FAM53A: variants seen among roughly 807,000 people sequenced by gnomAD.
The protein encoded by FAM53A is family with sequence similarity 53 member A.
A neutral mutation model predicts 26.6 loss-of-function variants in FAM53A; 28 were observed. The observed-to-expected ratio is 1.05, with a 90% CI of 0.78 to 1.45. FAM53A has a LOEUF of 1.45. FAM53A is among the 40% of genes most tolerant of loss of function. The pLI is 0.00. For missense variants in FAM53A, 650 were observed against 575.8 expected, an observed-to-expected ratio of 1.13 and a Z score of -1.32; for synonymous variants, 290 against 253.1, an observed-to-expected ratio of 1.15 and a Z score of -1.38.
chr4:1,655,261 C>T lies in FAM53A; in HGVS notation c.599G>A (p.Gly200Asp), dbSNP rs1289380358. Reference protein sequence around the residue: ...ASGGFVDSSEGSAGSGPLWCS... With the variant: ...ASGGFVDSSEDSAGSGPLWCS... ...CCAGAGCGGGCCTGAGCCCGCACTG[C>T]CCTCGCTGCTGTCCACGAAGCCGCC... Residue 200 changes from glycine to aspartate, a missense_variant, in exon 4 of 5, where the codon GGC becomes GAC. Gly to Asp is a moderately conservative substitution (Grantham distance 94). Coordinates refer to ENST00000308132, the MANE Select transcript of FAM53A (RefSeq NM_001174070.3). The T allele has an allele frequency of 4.1e-6, 6 of 1,446,992 alleles. No individual in the cohort carries two copies. The highest frequency in any genetic ancestry group is 5.4e-6 in the Non-Finnish European group (6 of 1,108,314). 89.6% of individuals were successfully genotyped at this position (1,446,992 alleles called of 1,614,324 possible).
At chr4:1,652,996 T>C (rs1713007823) in intron 4 of FAM53A, among the ~76,000 whole-genome samples, 11 of 117,490 alleles carry the variant, frequency 9.4e-5, no homozygotes, top group African/African-American at 1.3e-4. Context: ...ACAACACACA[T>C]CCCACACACA....
downstream of FAM53A, among the ~76,000 whole-genome samples, chr4:1,635,925 G>C (rs1185439694): frequency 7.1e-6 from 1 of 140,526 alleles, no homozygotes; most frequent in Non-Finnish European, 1.5e-5. Flanking sequence ...CTCACTGCAA[G>C]CTCTGCCTTC....
chr4:1,629,697 A>G (rs1715524565), intron 1 of FAM53A, among the ~76,000 whole-genome samples: 1 of 152,232 alleles, frequency 6.6e-6, no homozygotes, highest in African/African-American at 2.4e-5. Context: ...TCTCAGGCCC[A>G]GACTCAGCCC....
intron 1 of FAM53A, among the ~76,000 whole-genome samples, chr4:1,619,931 C>T (rs1714955115): frequency 1.3e-5 from 2 of 152,308 alleles, no homozygotes; most frequent in South Asian, 2.1e-4. Context: ...ACAAGTCAGC[C>T]GGGCGTGGTG....
At chr4:1,635,896 T>G (rs573281644), downstream of FAM53A, among the ~76,000 whole-genome samples, 3 of 137,726 alleles carry the variant, frequency 2.2e-5, no homozygotes, top group Non-Finnish European at 4.5e-5. Context: ...CAGGCTGGAG[T>G]GCAGTGGCGC....
At chr4:1,603,756 AG>A in the FAM53A span, among the ~76,000 whole-genome samples, 2 of 152,232 alleles carry the variant, frequency 1.3e-5, no homozygotes. Flanking sequence ...CCCCAAAGAA[AG>A]GGTTAAGCAG....
intron 1 of FAM53A, among the ~76,000 whole-genome samples, chr4:1,631,809 G>A (rs1052193512): frequency 6.6e-5 from 10 of 152,134 alleles, no homozygotes; most frequent in Non-Finnish European, 1.3e-4. Context: ...TCCTGAGGAC[G>A]GGGGACACAT....
intron 1 of FAM53A, among the ~76,000 whole-genome samples, chr4:1,671,809 C>T (rs1714681406): frequency 6.6e-6 from 1 of 152,276 alleles, no homozygotes; most frequent in African/African-American, 2.4e-5. Context: ...AGCACACACA[C>T]AACCCTAGAA....
At chr4:1,645,977 C>T (rs1033449345) in intron 4 of FAM53A, among the ~76,000 whole-genome samples, 16 of 152,260 alleles carry the variant, frequency 1.1e-4, no homozygotes, top group Admixed American at 9.8e-4. Flanking sequence ...CTCAGTCCTC[C>T]GCGTCCTCTA....
the FAM53A span, among the ~76,000 whole-genome samples, chr4:1,599,817 G>A: frequency 5.3e-5 from 8 of 152,332 alleles, no homozygotes; most frequent in East Asian, 1.4e-3. This position sits in a 1 kb window ranked among gnomAD's most constrained non-coding sequence, Gnocchi z 6.1. Context: ...CCGAGTCCCA[G>A]TGGGGCCAGT....
At chr4:1,680,319 CA>C (rs143458191) in intron 1 of FAM53A, among the ~76,000 whole-genome samples, 36,652 of 82,630 alleles carry the variant, frequency 0.44, 6,414 homozygotes, top group Middle Eastern at 0.66. Context: ...AACTCCGTCT[CA>C]AAAAAAAAAA....
intron 1 of FAM53A, among the ~76,000 whole-genome samples, chr4:1,674,006 G>A (rs945330746): frequency 7.2e-5 from 11 of 152,258 alleles, no homozygotes; most frequent in Non-Finnish European, 1.3e-4. Context: ...TCACCGACAC[G>A]TGTGTTGGCT....
In FAM53A at chr4:1,668,887, G is replaced by T. The variant is rs1714435925; in HGVS notation, c.-146C>A. ...TACAGATGAGCAGTCCACGCCCACGGGCTCTTCAGGATTTGTGCCTGTTTC... is the reference window on the plus strand; with the variant it reads ...TACAGATGAGCAGTCCACGCCCACGTGCTCTTCAGGATTTGTGCCTGTTTC... On this transcript the variant is annotated 5_prime_UTR_variant, in exon 2 of 5. Coordinates refer to ENST00000308132, the MANE Select transcript of FAM53A (RefSeq NM_001174070.3). 4.7e-6 allele frequency: 3 copies of T among 632,844 alleles called. No homozygotes were observed. The highest frequency in any genetic ancestry group is 8.3e-6 in the Non-Finnish European group (3 of 363,556). The allele number at this position is 632,844 out of a possible 1,614,324, so 39.2% of individuals were successfully genotyped here. A position where few individuals can be genotyped will look rare whatever the true frequency, so the allele number is the denominator to read the frequency against.
At chr4:1,615,306 C>T (rs1033862495), downstream of FAM53A, among the ~76,000 whole-genome samples, 4 of 133,014 alleles carry the variant, frequency 3.0e-5, no homozygotes, top group Admixed American at 8.0e-5. Flanking sequence ...CAGGATGCGG[C>T]CACACCCACC....
chr4:1,630,076 C>T lies in FAM53A; in HGVS notation c.432-11965G>A, dbSNP rs1207724866. 6.6e-6 allele frequency among the ~76,000 whole-genome samples: 1 copy of T among 152,214 alleles called. No individual in the cohort carries two copies. Among genetic ancestry groups the T allele is most frequent in the Admixed American group, 6.5e-5 (1 of 15,290 alleles). On this transcript the variant is annotated intron_variant, in intron 1 of 1. Transcript: ENST00000489029. This position sits in a 1 kb window ranked among gnomAD's most constrained non-coding sequence, Gnocchi z 4.3. Reference sequence around the variant, plus strand: ...GCACAAAAAGACCACAGTGAGACCCCGCTGGACACCTCACCCGGCTGCCTG... The same window carrying T: ...GCACAAAAAGACCACAGTGAGACCCTGCTGGACACCTCACCCGGCTGCCTG...
the FAM53A span, among the ~76,000 whole-genome samples, chr4:1,594,792 G>A: frequency 5.9e-5 from 9 of 152,304 alleles, no homozygotes; most frequent in East Asian, 3.9e-4. Flanking sequence ...GCAGTGAGCC[G>A]TGATGGTGCC....
chr4:1,578,612 A>C, the FAM53A span, among the ~76,000 whole-genome samples: 1 of 150,916 alleles, frequency 6.6e-6, no homozygotes, highest in South Asian at 2.1e-4. Flanking sequence ...GCAGGTCCCC[A>C]TGGGAAGCGC....
intron 2 of FAM53A, among the ~76,000 whole-genome samples, chr4:1,657,813 G>T (rs1713512658): frequency 6.7e-6 from 1 of 148,670 alleles, no homozygotes; most frequent in African/African-American, 2.5e-5. Context: ...AATTTTTTTT[G>T]TATTTTTAGT....
intron 4 of FAM53A, among the ~76,000 whole-genome samples, chr4:1,645,705 G>C (rs1050949621): frequency 6.6e-5 from 10 of 152,322 alleles, no homozygotes; most frequent in African/African-American, 2.2e-4. Flanking sequence ...CCCAGCACTC[G>C]CTTCTGCCAC....
Sources: allele counts gnomAD v4.1 joint callset (sites outside exome capture counted in the v4.1 genomes callset), GRCh38; gene constraint gnomAD v4.1.1; non-coding constraint Gnocchi (gnomAD v3.1); transcripts MANE v1.5; gene names NCBI Gene and HGNC (gene_info 2026-07-23, HGNC 2026-07-21).